CEP162: variants seen among roughly 807,000 people sequenced by gnomAD.
CEP162 encodes the protein centrosomal protein 162.
A neutral mutation model predicts 169.2 loss-of-function variants in CEP162; 141 were observed. That is an observed-to-expected ratio of 0.83 (90% confidence interval 0.73 to 0.96). The LOEUF is 0.96. Among genes scored for constraint, CEP162 ranks in the 40% least tolerant of loss-of-function variants. The pLI, the probability that CEP162 is intolerant of heterozygous loss-of-function variation, is 0.00. For missense variants in CEP162, 1,600 were observed against 1,587.2 expected (o/e 1.01, Z -0.14); for synonymous variants, 540 against 526.4 (o/e 1.03, Z -0.35).
chr6:84,160,761 A>G lies in CEP162; in HGVS notation c.2781+51T>C, dbSNP rs1278319372. 4 of 1,164,260 alleles carry G rather than the reference A, an allele frequency of 3.4e-6. No homozygotes were observed. In the African/African-American group the frequency reaches 6.1e-5, roughly 18 times the overall value. The allele number at this position is 1,164,260 out of a possible 1,614,324, so 72.1% of individuals were successfully genotyped here. A position where few individuals can be genotyped will look rare whatever the true frequency, so the allele number is the denominator to read the frequency against. On this transcript the variant is annotated intron_variant, in intron 21 of 26. Coordinates refer to ENST00000403245, the MANE Select transcript of CEP162 (RefSeq NM_014895.4). Reference sequence around the variant, plus strand: ...ACTCCTGAAACAAAAGAGAAAACCAAAATGCACTATATATAAAATATGCTC... The same window carrying G: ...ACTCCTGAAACAAAAGAGAAAACCAGAATGCACTATATATAAAATATGCTC...
rs778583906 is a variant in CEP162 at position 84,186,574 on chromosome 6, G to C, written c.1159C>G (p.Pro387Ala). ...RKETEFFSSL[P>A]LKMNPNILSQ... ...AAAATATTTGGGTTCATCTTCAGGGGTAAAGAGCTAAAAAATTCAGTTTCT... is the reference window on the plus strand; with the variant it reads ...AAAATATTTGGGTTCATCTTCAGGGCTAAAGAGCTAAAAAATTCAGTTTCT... Residue 387 changes from proline (P) to alanine (A), a missense_variant, in exon 12 of 27, where the codon CCC becomes GCC. By Grantham distance (27) the Pro-to-Ala change is conservative. Coordinates refer to ENST00000403245, the MANE Select transcript of CEP162 (RefSeq NM_014895.4). The C allele has an allele frequency of 2.5e-6, 4 of 1,609,424 alleles. No homozygotes were observed. The highest frequency in any genetic ancestry group is 3.4e-6 in the Non-Finnish European group (4 of 1,177,982).
At chr6:84,212,530 CAACAAA>C (rs2099549892) in intron 6 of CEP162, among the ~76,000 whole-genome samples, 15 of 151,028 alleles carry the variant, frequency 9.9e-5, no homozygotes, top group Non-Finnish European at 7.4e-5. Context: ...GAAAAAAATA[CAACAAA>C]GAAGAATAGC....
chr6:84,161,137 C>G (rs2099525593), intron 20 of CEP162, among the ~76,000 whole-genome samples: 1 of 152,158 alleles, frequency 6.6e-6, no homozygotes, highest in Middle Eastern at 3.4e-3. Context: ...TCCCTGCTCC[C>G]AAGATGCTTA....
rs780256915 is a variant in CEP162, at chr6:84,171,687, TC to T, written c.2197del (p.Asp733IlefsTer24). On this transcript the variant is annotated frameshift_variant, in exon 17 of 27. Transcript: ENST00000403245. LOFTEE classifies it high-confidence loss of function. ...ENERLYNQVK[D>X]LQEQNKKNEE... is the part of the protein sequence containing the mutation. ...ATTTTTCTTGTTTTGTTCTTGGAGATCTTTTACTTGATTATATAATCGTTCA... is the reference window on the plus strand; with the variant it reads ...ATTTTTCTTGTTTTGTTCTTGGAGATTTTTACTTGATTATATAATCGTTCA... 6.5e-7 allele frequency: 1 copy of T among 1,526,948 alleles called. No individual in the cohort carries two copies. The highest frequency in any genetic ancestry group is 8.8e-7 in the Non-Finnish European group (1 of 1,136,202). 94.6% of individuals were successfully genotyped at this position (1,526,948 alleles called of 1,614,324 possible). A position where few individuals can be genotyped will look rare whatever the true frequency, so the allele number is the denominator to read the frequency against.
rs748459982 is a variant in CEP162, at chr6:84,126,519, T to C, written c.3871-7A>G. ...CTTCTAAGAGTTTTGTAATCTAAAA[T>C]TGACATATGAAGCAAATGAAAAACT... On this transcript the variant is annotated splice_region_variant and splice_polypyrimidine_tract_variant and intron_variant, in intron 25 of 26. Coordinates refer to ENST00000403245, the MANE Select transcript of CEP162 (RefSeq NM_014895.4). 2.7e-6 allele frequency: 4 copies of C among 1,508,148 alleles called. No homozygotes were observed. Among genetic ancestry groups the C allele is most frequent in the Non-Finnish European group, 3.6e-6 (4 of 1,124,038 alleles). The allele number at this position is 1,508,148 out of a possible 1,614,324, so 93.4% of individuals were successfully genotyped here.
At chr6:84,126,884 C>G (rs2099509156) in intron 25 of CEP162, among the ~76,000 whole-genome samples, 1 of 152,178 alleles carries the variant, frequency 6.6e-6, no homozygotes, top group African/African-American at 2.4e-5. Context: ...CAACATAGTA[C>G]AGTGCCCCAT....
chr6:84,168,311 A>C (rs527260650), intron 18 of CEP162, among the ~76,000 whole-genome samples: 1 of 152,248 alleles, frequency 6.6e-6, no homozygotes, highest in East Asian at 1.9e-4. Context: ...CTGCCTTCCT[A>C]CATACACATG....
At chr6:84,135,372 G>A (rs1219466069) in intron 25 of CEP162, among the ~76,000 whole-genome samples, 1 of 152,152 alleles carries the variant, frequency 6.6e-6, no homozygotes, top group Non-Finnish European at 1.5e-5. Flanking sequence ...TTTCTTACTG[G>A]AGAAGACAGA....
At chr6:84,156,743 G>GAC (rs71736099) in intron 21 of CEP162, among the ~76,000 whole-genome samples, 2,117 of 125,628 alleles carry the variant, frequency 0.017, 23 homozygotes, top group Middle Eastern at 0.033. Flanking sequence ...GTATCAAAAA[G>GAC]ACACACACAC....
intron 6 of CEP162, among the ~76,000 whole-genome samples, chr6:84,209,936 G>A (rs1473974105): frequency 6.6e-6 from 1 of 152,008 alleles, no homozygotes; most frequent in Non-Finnish European, 1.5e-5. Context: ...AATGAGAGAC[G>A]AGAAACAAAG....
intron 2 of CEP162, among the ~76,000 whole-genome samples, chr6:84,224,364 G>C (rs2099554892): frequency 6.6e-6 from 1 of 152,154 alleles, no homozygotes; most frequent in Admixed American, 6.5e-5. Context: ...AGTCAGCTTA[G>C]TAGTTGCCTA....
At position 84,183,529 on chromosome 6, in the gene CEP162, C is replaced by T. The variant is rs1055436532; in HGVS notation, c.1663+1658G>A. 3.3e-5 allele frequency among the ~76,000 whole-genome samples: 5 copies of T among 152,072 alleles called. No homozygotes were observed. The South Asian group carries it at 8.3e-4, about 25-fold the overall frequency. ...TCATCTTTGTTTTGCCACCTCACAC[C>T]CTCTGGTACCCAGATTCCAATAATC... is the stretch of plus-strand genomic sequence containing the variant. On this transcript the variant is annotated intron_variant, in intron 13 of 26. Transcript: ENST00000403245.
At chr6:84,210,408 A>C (rs1258028766) in intron 6 of CEP162, among the ~76,000 whole-genome samples, 1 of 152,158 alleles carries the variant, frequency 6.6e-6, no homozygotes, top group Non-Finnish European at 1.5e-5. Flanking sequence ...CAATATATAA[A>C]ACAACTATTT....
At position 84,189,633 on chromosome 6, in the gene CEP162, G is replaced by A. The variant is rs186107055; in HGVS notation, c.1110-3010C>T. 4.2e-4 allele frequency among the ~76,000 whole-genome samples: 64 copies of A among 152,292 alleles called. 1 individual carries two copies. In the East Asian group the frequency reaches 9.3e-3, roughly 22 times the overall value. On this transcript the variant is annotated intron_variant, in intron 11 of 26. Transcript: ENST00000403245. ...GGGCAGGGCTCGGGACCTGCAGCCC[G>A]CCATGCCTGAGCCTCCCACCCACTC...
chr6:84,156,597 G>A (rs1028347411), intron 21 of CEP162, among the ~76,000 whole-genome samples: 7 of 152,110 alleles, frequency 4.6e-5, no homozygotes, highest in African/African-American at 1.7e-4. Flanking sequence ...GGAGAAAAGG[G>A]AACACGTGTA....
At chr6:84,197,742 AGGAGGT>A (rs1562072364) in intron 9 of CEP162, among the ~76,000 whole-genome samples, 3 of 151,262 alleles carry the variant, frequency 2.0e-5, no homozygotes, top group Non-Finnish European at 4.4e-5. Flanking sequence ...ACTTGAACCC[AGGAGGT>A]GGAGACTGCA....
intron 13 of CEP162, 38 bp downstream of exon 13, chr6:84,185,149 A>C (rs2099536551): frequency 1.3e-6 from 2 of 1,515,328 alleles, no homozygotes; most frequent in Non-Finnish European, 1.8e-6. Flanking sequence ...GAAGCAAAGA[A>C]AGTAAAACAA....
chr6:84,170,189 T>C (rs2099529449), intron 17 of CEP162, among the ~76,000 whole-genome samples: 1 of 151,638 alleles, frequency 6.6e-6, no homozygotes, highest in Non-Finnish European at 1.5e-5. Flanking sequence ...CTGGCTAACA[T>C]GGTGAAACTC....
chr6:84,143,586 G>A (rs1158722783), intron 25 of CEP162, among the ~76,000 whole-genome samples: 7 of 151,764 alleles, frequency 4.6e-5, no homozygotes, highest in African/African-American at 1.7e-4. Flanking sequence ...AAAGGAGAAC[G>A]AAGAACAAAA....
Sources: gnomAD v4.1 joint callset for allele counts (sites outside exome capture counted in the v4.1 genomes callset) on GRCh38, gnomAD v4.1.1 for gene constraint, MANE v1.5 for transcripts, NCBI Gene and HGNC (gene_info 2026-07-23, HGNC 2026-07-21) for gene names.